The following DOCK3 variants were observed in gnomAD, a reference collection of about 807,000 sequenced individuals.
The protein encoded by DOCK3 is dedicator of cytokinesis 3.
DOCK3 carries 60 observed loss-of-function variants against 265.6 expected under a neutral mutation model. The ratio of observed to expected loss-of-function variants is 0.23; its 90% CI spans 0.18 to 0.28. DOCK3 has a LOEUF of 0.28. Ranked by LOEUF, DOCK3 falls within the 10% of genes least tolerant of loss-of-function variation. The probability of loss-of-function intolerance (pLI) is 1.00; values close to 1 mark genes in which losing one functional copy is unlikely to be tolerated. For synonymous variants in DOCK3, 881 were observed against 938.0 expected (o/e 0.94, Z 1.11); for missense variants, 1,981 against 2,594.3 (o/e 0.76, Z 5.14).
chr3:50,981,593 A>C (rs1416204211), intron 5 of DOCK3, among the ~76,000 whole-genome samples: 1 of 152,204 alleles, frequency 6.6e-6, no homozygotes, highest in Non-Finnish European at 1.5e-5. Flanking sequence ...CTTTAGATCT[A>C]ATAATATTTG....
At chr3:50,970,361 C>A (rs1366173011) in intron 5 of DOCK3, among the ~76,000 whole-genome samples, 1 of 152,096 alleles carries the variant, frequency 6.6e-6, no homozygotes, top group Non-Finnish European at 1.5e-5. Context: ...GGAAATTTTC[C>A]TCAATTATTT....
intron 1 of DOCK3, among the ~76,000 whole-genome samples, chr3:50,692,366 C>T (rs980808840): frequency 6.6e-6 from 1 of 152,162 alleles, no homozygotes; most frequent in African/African-American, 2.4e-5. Flanking sequence ...TGAAACTCTT[C>T]CACCTCAAGA....
chr3:50,968,046 T>C (rs1259253860), intron 5 of DOCK3, among the ~76,000 whole-genome samples: 1 of 152,130 alleles, frequency 6.6e-6, no homozygotes, highest in Non-Finnish European at 1.5e-5. Flanking sequence ...AGAATTTTTT[T>C]ATATTAACCA....
chr3:51,121,371 A>G (rs2084010292), intron 9 of DOCK3, among the ~76,000 whole-genome samples: 1 of 152,130 alleles, frequency 6.6e-6, no homozygotes, highest in African/African-American at 2.4e-5. Flanking sequence ...TCAATTGGAA[A>G]TGCAGAAATC....
At chr3:51,088,173 A>G (rs2082499511) in intron 7 of DOCK3, among the ~76,000 whole-genome samples, 1 of 152,166 alleles carries the variant, frequency 6.6e-6, no homozygotes, top group South Asian at 2.1e-4. Flanking sequence ...CTCATGTTCT[A>G]TCATATGTAG....
chr3:50,787,649 T>G, intron 2 of DOCK3: 1 of 1,302,994 alleles, frequency 7.7e-7, no homozygotes, highest in Non-Finnish European at 1.1e-6. Context: ...GCACTCTTCC[T>G]GCAACCTCTT....
At chr3:51,131,029 AT>A (rs1295185340) in intron 9 of DOCK3, among the ~76,000 whole-genome samples, 3 of 152,064 alleles carry the variant, frequency 2.0e-5, no homozygotes, top group Non-Finnish European at 4.4e-5. Flanking sequence ...TTAGTTTACT[AT>A]TTGTCTAGGT....
At chr3:51,339,623 T>C (rs543305463) in intron 37 of DOCK3, among the ~76,000 whole-genome samples, 1 of 152,320 alleles carries the variant, frequency 6.6e-6, no homozygotes, top group South Asian at 2.1e-4. Context: ...ATCAAGGCCT[T>C]TTCTAACTAG....
chr3:51,144,998 C>G (rs151066629), intron 9 of DOCK3, among the ~76,000 whole-genome samples: 2 of 152,050 alleles, frequency 1.3e-5, no homozygotes, highest in Non-Finnish European at 2.9e-5. Context: ...GAAGGAGATG[C>G]GAGAGTAAAG....
chr3:50,739,321 AT>A (rs1559574539), intron 1 of DOCK3, among the ~76,000 whole-genome samples: 1 of 150,774 alleles, frequency 6.6e-6, no homozygotes, highest in African/African-American at 2.4e-5. Context: ...AACTGTGTTT[AT>A]TTTTTTTTAG....
chr3:50,804,198 G>A lies in DOCK3; in HGVS notation c.121+25440G>A, dbSNP rs571912077. On this transcript the variant is annotated intron_variant, in intron 2 of 52. Coordinates refer to ENST00000266037, the MANE Select transcript of DOCK3 (RefSeq NM_004947.5). Reference sequence around the variant, plus strand: ...AGATGATGGGCGGCCGGGCAGAGACGCTCCTCACTTCCTAGATAGGATGGC... The same window carrying A: ...AGATGATGGGCGGCCGGGCAGAGACACTCCTCACTTCCTAGATAGGATGGC... Among the ~76,000 whole-genome samples the A allele has an allele frequency of 7.3e-5, 11 of 151,016 alleles. No homozygotes were observed. The East Asian group carries it at 2.2e-3, about 30-fold the overall frequency.
At position 50,849,405 on chromosome 3, in the gene DOCK3, T is replaced by TAC. The variant is rs1209361630; in HGVS notation, c.162+7700_162+7701dup. Among the ~76,000 whole-genome samples, 55 of 150,052 alleles carry TAC rather than the reference T, an allele frequency of 3.7e-4. No individual in the cohort carries two copies. In the East Asian group the frequency reaches 4.3e-3, roughly 12 times the overall value. On this transcript the variant is annotated intron_variant, in intron 3 of 52. Transcript: ENST00000266037. Reference sequence around the variant, plus strand: ...ACACATATATACACACACACACACATACACACACACATATATATATGGCAG... The same window carrying TAC: ...ACACATATATACACACACACACACATACACACACACACATATATATATGGCAG...
intron 17 of DOCK3, 84 bp downstream of exon 17, chr3:51,228,172 C>T (rs1191063683): frequency 7.2e-7 from 1 of 1,383,064 alleles, no homozygotes; most frequent in East Asian, 2.3e-5. Context: ...AGGTGGTTTT[C>T]ACTGGGCAGG....
At chr3:51,300,256 A>G (rs1244191433) in intron 27 of DOCK3, among the ~76,000 whole-genome samples, 1 of 152,188 alleles carries the variant, frequency 6.6e-6, no homozygotes, top group African/African-American at 2.4e-5. Context: ...TTGATTTTGT[A>G]TCCTGAGACT....
chr3:50,979,360 A>T (rs1394869069), intron 5 of DOCK3, among the ~76,000 whole-genome samples: 1 of 152,204 alleles, frequency 6.6e-6, no homozygotes, highest in East Asian at 1.9e-4. Context: ...TTGAAATGTT[A>T]TCCCAATATT....
chr3:50,839,975 G>A (rs2045740071), intron 2 of DOCK3, among the ~76,000 whole-genome samples: 1 of 151,208 alleles, frequency 6.6e-6, no homozygotes, highest in African/African-American at 2.4e-5. Context: ...CACCATGTTG[G>A]TCAGGCTAGT....
intron 4 of DOCK3, among the ~76,000 whole-genome samples, chr3:50,929,137 C>G (rs1246930325): frequency 6.6e-6 from 1 of 152,110 alleles, no homozygotes; most frequent in Non-Finnish European, 1.5e-5. Context: ...TATTTTTAAG[C>G]CTTTGAACAT....
At chr3:50,981,811 A>G (rs1483083290) in intron 5 of DOCK3, among the ~76,000 whole-genome samples, 4 of 151,648 alleles carry the variant, frequency 2.6e-5, no homozygotes, top group Non-Finnish European at 5.9e-5. Flanking sequence ...ATCTTTTTTC[A>G]TCCCGTTACT....
At chr3:51,380,063 G>A in intron 51 of DOCK3, 62 bp from the exon 52 acceptor site, 2 of 1,501,716 alleles carry the variant, frequency 1.3e-6, no homozygotes. Context: ...CCAGCAAGAT[G>A]GTGCTGGCAT....
Sources: allele counts gnomAD v4.1 joint callset (sites outside exome capture counted in the v4.1 genomes callset), GRCh38; gene constraint gnomAD v4.1.1; transcripts MANE v1.5; gene names NCBI Gene and HGNC (gene_info 2026-07-23, HGNC 2026-07-21).